Variants in FA2H observed in about 807,000 individuals in gnomAD.
FA2H encodes fatty acid alpha-hydroxylase.
FA2H carries 22 observed loss-of-function variants against 44.9 expected under a neutral mutation model. That is an observed-to-expected ratio of 0.49 (90% CI 0.35 to 0.70). The LOEUF (loss-of-function observed/expected upper bound fraction) is 0.70, where lower values mean the gene tolerates loss of function less well. Ranked by LOEUF, FA2H falls within the 30% of genes least tolerant of loss-of-function variation. The pLI is 0.01. For synonymous variants in FA2H, 243 were observed against 213.2 expected, an observed-to-expected ratio of 1.14 and a Z score of -1.22; for missense variants, 501 against 504.9, an observed-to-expected ratio of 0.99 and a Z score of 0.07.
chr16:74,764,535 A>G (rs1418906330), intron 1 of FA2H, among the ~76,000 whole-genome samples: 2 of 152,306 alleles, frequency 1.3e-5, no homozygotes, highest in Non-Finnish European at 2.9e-5. Context: ...TATGGACACA[A>G]AGATGGAAAC....
At chr16:74,768,665 G>A (rs1408379555) in intron 1 of FA2H, among the ~76,000 whole-genome samples, 3 of 152,104 alleles carry the variant, frequency 2.0e-5, no homozygotes, top group Non-Finnish European at 2.9e-5. Context: ...AGATGTTCCC[G>A]GTCCTGGGTA....
chr16:74,754,491 G>A (rs1476002053), intron 1 of FA2H, among the ~76,000 whole-genome samples: 1 of 152,110 alleles, frequency 6.6e-6, no homozygotes, highest in Non-Finnish European at 1.5e-5. Flanking sequence ...TCCGCCCAGA[G>A]CTTGTGAATG....
In FA2H at chr16:74,741,788, ATATATATATATATATATATATGTG is replaced by A. The variant is rs1283415024; in HGVS notation, c.271-1697_271-1674del. On this transcript the variant is annotated intron_variant, in intron 1 of 6. Transcript: ENST00000219368. ...CACCTGATTAAATATATATATATAT[ATATATATATATATATATATATGTG>A]TGTGTGTGTGTGTGTGTGTGTGTGT... Among the ~76,000 whole-genome samples the A allele has an allele frequency of 4.1e-3, 288 of 70,772 alleles. 5 individuals carry two copies. Among genetic ancestry groups the A allele is most frequent in the African/African-American group, 0.013 (226 of 17,142 alleles). 46.4% of individuals were successfully genotyped at this position (70,772 alleles called of 152,430 possible). A position where few individuals can be genotyped will look rare whatever the true frequency, so the allele number is the denominator to read the frequency against.
intron 1 of FA2H, among the ~76,000 whole-genome samples, chr16:74,752,166 G>A (rs1395499502): frequency 6.6e-6 from 1 of 152,062 alleles, no homozygotes; most frequent in African/African-American, 2.4e-5. Context: ...ACCCCCATCT[G>A]CCACCTGGAC....
chr16:74,760,351 T>G (rs1962686149), intron 1 of FA2H, among the ~76,000 whole-genome samples: 1 of 152,206 alleles, frequency 6.6e-6, no homozygotes, highest in Non-Finnish European at 1.5e-5. Flanking sequence ...TTCTCTAGAC[T>G]GGCTAAACTA....
intron 3 of FA2H, 94 bp from the exon 4 acceptor site, chr16:74,726,425 G>C: frequency 1.2e-6 from 1 of 819,664 alleles, no homozygotes; most frequent in Non-Finnish European, 2.0e-6. Flanking sequence ...TTTCACTCTT[G>C]TTGCCCAGGC....
intron 5 of FA2H, among the ~76,000 whole-genome samples, chr16:74,718,430 G>A (rs1368358580): frequency 1.3e-5 from 2 of 152,176 alleles, no homozygotes; most frequent in African/African-American, 4.8e-5. Flanking sequence ...TTCTGGGACT[G>A]TCGTGGAGTC....
chr16:74,726,198 G>A lies in FA2H; in HGVS notation c.613+27C>T, dbSNP rs372793467. 43 of 1,515,552 alleles carry A rather than the reference G, an allele frequency of 2.8e-5. 1 individual carries two copies. In the African/African-American group the frequency reaches 3.3e-4, roughly 12 times the overall value. 93.9% of individuals were successfully genotyped at this position (1,515,552 alleles called of 1,614,324 possible). A position where few individuals can be genotyped will look rare whatever the true frequency, so the allele number is the denominator to read the frequency against. Reference sequence around the variant, plus strand: ...GTCTCCTCCCTCTAGGATCCTCAGGGCAAGTCAGGAAAGAAACTGGCATTA... The same window carrying A: ...GTCTCCTCCCTCTAGGATCCTCAGGACAAGTCAGGAAAGAAACTGGCATTA... On this transcript the variant is annotated intron_variant, in intron 4 of 6. Coordinates refer to ENST00000219368, the MANE Select transcript of FA2H (RefSeq NM_024306.5).
chr16:74,758,499 A>G (rs1259803671), intron 1 of FA2H, among the ~76,000 whole-genome samples: 1 of 152,162 alleles, frequency 6.6e-6, no homozygotes, highest in African/African-American at 2.4e-5. Context: ...ATTATGATAG[A>G]AAAAATCTAC....
At chr16:74,732,098 G>A (rs376062328) in intron 2 of FA2H, among the ~76,000 whole-genome samples, 8 of 151,606 alleles carry the variant, frequency 5.3e-5, no homozygotes, top group African/African-American at 1.9e-4. Context: ...TGTGTAGGCT[G>A]GTCTCGAGCT....
In FA2H at chr16:74,741,647, G is replaced by A. The variant is rs1962297358; in HGVS notation, c.271-1532C>T. Among the ~76,000 whole-genome samples, 3 of 151,630 alleles carry A rather than the reference G, an allele frequency of 2.0e-5. No homozygotes were observed. The South Asian group carries it at 6.3e-4, about 32-fold the overall frequency. ...AGCTAATTTTTGTATTTTCAGTAGA[G>A]ATGGGGTTTGGCCATGTTGCCCAGA... On this transcript the variant is annotated intron_variant, in intron 1 of 6. Coordinates refer to ENST00000219368, the MANE Select transcript of FA2H (RefSeq NM_024306.5).
intron 1 of FA2H, among the ~76,000 whole-genome samples, chr16:74,761,493 G>A (rs898905975): frequency 2.1e-5 from 3 of 143,148 alleles, no homozygotes; most frequent in South Asian, 2.2e-4. Flanking sequence ...AAAGAAAAAC[G>A]TAGATCACTA....
intron 1 of FA2H, among the ~76,000 whole-genome samples, chr16:74,749,298 C>G (rs919400757): frequency 1.3e-5 from 2 of 152,216 alleles, no homozygotes; most frequent in African/African-American, 4.8e-5. Flanking sequence ...GCTCTGGATG[C>G]CTGTGGTGGC....
chr16:74,733,183 C>T (rs1962110907), intron 2 of FA2H, among the ~76,000 whole-genome samples: 1 of 152,166 alleles, frequency 6.6e-6, no homozygotes, highest in South Asian at 2.1e-4. Flanking sequence ...GGCTGAAGGA[C>T]CACCCTGGAG....
intron 1 of FA2H, among the ~76,000 whole-genome samples, chr16:74,769,888 T>C (rs1314831955): frequency 6.6e-6 from 1 of 152,240 alleles, no homozygotes; most frequent in African/African-American, 2.4e-5. Flanking sequence ...GGCTTCACCA[T>C]GTCCAAGGCC....
chr16:74,764,743 T>C (rs1250048829), intron 1 of FA2H, among the ~76,000 whole-genome samples: 2 of 148,972 alleles, frequency 1.3e-5, no homozygotes, highest in Admixed American at 1.3e-4. Context: ...AAAAAAAGAA[T>C]AGGAGCAATT....
intron 1 of FA2H, among the ~76,000 whole-genome samples, chr16:74,760,790 G>T (rs1962693447): frequency 6.6e-6 from 1 of 152,220 alleles, no homozygotes; most frequent in Non-Finnish European, 1.5e-5. Context: ...AGATCTGAAA[G>T]AAATGTATTT....
intron 2 of FA2H, among the ~76,000 whole-genome samples, chr16:74,731,055 T>A (rs1460861083): frequency 6.6e-6 from 1 of 152,188 alleles, no homozygotes; most frequent in Non-Finnish European, 1.5e-5. Flanking sequence ...TTTCCCATAC[T>A]TTTACTTTCA....
At chr16:74,724,004 C>T (rs918434830) in intron 4 of FA2H, among the ~76,000 whole-genome samples, 4 of 152,084 alleles carry the variant, frequency 2.6e-5, no homozygotes, top group Non-Finnish European at 5.9e-5. Flanking sequence ...TGGGTTCAAA[C>T]GATTCTCCTG....
Sources: gnomAD v4.1 joint callset for allele counts (sites outside exome capture counted in the v4.1 genomes callset) on GRCh38, gnomAD v4.1.1 for gene constraint, MANE v1.5 for transcripts, NCBI Gene and HGNC (gene_info 2026-07-23, HGNC 2026-07-21) for gene names.